NRIP2: variants seen among roughly 807,000 people sequenced by gnomAD.
NRIP2 encodes nuclear receptor interacting protein 2.
NRIP2 carries 27 observed loss-of-function variants against 34.1 expected under a neutral mutation model. The observed-to-expected ratio is 0.79, with a 90% confidence interval of 0.58 to 1.09. The LOEUF is 1.09. NRIP2 is among the 50% of genes least tolerant of loss of function. The pLI, the probability that NRIP2 is intolerant of heterozygous loss-of-function variation, is 0.00. For synonymous variants in NRIP2, 145 were observed against 146.9 expected, an observed-to-expected ratio of 0.99 and a Z score of 0.09; for missense variants, 385 against 352.6, an observed-to-expected ratio of 1.09 and a Z score of -0.74.
In NRIP2 at chr12:2,827,363, CT is replaced by C; in HGVS notation, c.754-65del. ...CCGCCACCTGCCTCCCGGCCTGCTC[CT>C]TTTGTTCCCCCTCCCACTTCCCACA... On this transcript the variant is annotated intron_variant, in intron 5 of 5. Transcript: ENST00000337508. The surrounding 1 kb of genome is among the most constrained non-coding windows in gnomAD (Gnocchi z 4.0). 6.4e-7 allele frequency: 1 copy of C among 1,556,240 alleles called. No individual in the cohort carries two copies.
Position 2,834,800 on chromosome 12 carries a change from C to T in NRIP2, c.184G>A (p.Gly62Arg). 1.2e-6 allele frequency: 2 copies of T among 1,613,668 alleles called. No individual in the cohort carries two copies. The highest frequency in any genetic ancestry group is 1.7e-6 in the Non-Finnish European group (2 of 1,179,940). Residue 62 changes from glycine to arginine, a missense_variant, in exon 1 of 6, where the codon GGA (glycine) becomes AGA (arginine). Physicochemically the swap from Gly to Arg is moderately radical, Grantham distance 125 (BLOSUM62 -2). Coordinates refer to ENST00000337508, the MANE Select transcript of NRIP2 (RefSeq NM_031474.3). ...STKQEARRDE[G>R]EARTRGQEAQ... ...TCCTGCCCCCTCGTCCTGGCTTCTC[C>T]CTCATCTCTCCTGGCCTCCTGCTTG...
chr12:2,828,006 G>T lies in NRIP2; in HGVS notation c.620C>A (p.Ala207Asp), dbSNP rs562556400. 3.7e-6 allele frequency: 6 copies of T among 1,614,194 alleles called. No individual in the cohort carries two copies. The African/African-American group carries it at 8.0e-5, about 22-fold the overall frequency. The change falls in exon 4 of 6, where the codon GCC becomes GAC. Residue 207 changes from alanine (A) to aspartate (D), a missense_variant. Physicochemically the swap from Ala to Asp is moderately radical, Grantham distance 126. Coordinates refer to ENST00000337508, the MANE Select transcript of NRIP2 (RefSeq NM_031474.3). ...CTCCACCTGGGTTGGGGGCCCAGGG[G>T]CCAGGTCCCCAGCTGAGGCTTTTAG... ...RVLKASAGDL[A>D]PGPPTQVEQL...
intron 1 of NRIP2, 29 bp from the exon 2 acceptor site, chr12:2,830,889 G>T: frequency 6.2e-7 from 1 of 1,605,680 alleles, no homozygotes. Context: ...AATGAAGGTA[G>T]GCAGTTCTAA....
chr12:2,826,900 G>A lies in NRIP2; in HGVS notation c.*307C>T, dbSNP rs2097969814. The A allele has an allele frequency of 3.0e-6, 3 of 989,480 alleles. No homozygotes were observed. Among genetic ancestry groups the A allele is most frequent in the African/African-American group, 3.5e-5 (2 of 57,774 alleles). The allele number at this position is 989,480 out of a possible 1,614,324, so 61.3% of individuals were successfully genotyped here. On this transcript the variant is annotated 3_prime_UTR_variant, in exon 6 of 6. Coordinates refer to ENST00000337508, the MANE Select transcript of NRIP2 (RefSeq NM_031474.3). ...AGAGCCTTCGACCCAGCCCAAGCAGGCACCCCATTGTGCTTAGGTTCCTAT... is the reference window on the plus strand; with the variant it reads ...AGAGCCTTCGACCCAGCCCAAGCAGACACCCCATTGTGCTTAGGTTCCTAT...
chr12:2,828,107 A>C, intron 3 of NRIP2, 60 bp from the exon 4 acceptor site: 1 of 1,466,036 alleles, frequency 6.8e-7, no homozygotes, highest in Non-Finnish European at 9.4e-7. Flanking sequence ...CACCCCATTA[A>C]TCAGCAGGTG....
chr12:2,834,734 G>T lies in NRIP2; in HGVS notation c.250C>A (p.Arg84=), dbSNP rs756137995. 6.2e-7 allele frequency: 1 copy of T among 1,614,004 alleles called. No individual in the cohort carries two copies. Among genetic ancestry groups the T allele is most frequent in the Non-Finnish European group, 8.5e-7 (1 of 1,180,006 alleles). ...RDRAHLSQQR[R]LKQATQFLHK... ...AGGAACTGGGTGGCCTGTTTGAGCC[G>T]GCGCTGCTGGCTCAGGTGGGCTCGG... The change falls in exon 1 of 6, where the codon CGG becomes AGG. Residue 84 remains arginine (R), a synonymous_variant. Transcript: ENST00000337508.
In NRIP2 at chr12:2,826,809, T is replaced by TCTC; in HGVS notation, c.*397_*398insGAG. On this transcript the variant is annotated 3_prime_UTR_variant, in exon 6 of 6. Transcript: ENST00000337508. Reference sequence around the variant, plus strand: ...GGCCCAGAAGGTGTGGTGAGAGACATGGTGGTGTGGGAAGTTGAGTTGTGT... The same window carrying TCTC: ...GGCCCAGAAGGTGTGGTGAGAGACATCTCGGTGGTGTGGGAAGTTGAGTTGTGT... The TCTC allele has an allele frequency of 4.3e-5, 11 of 253,258 alleles. No individual in the cohort carries two copies. The highest frequency in any genetic ancestry group is 1.4e-4 in the South Asian group (3 of 21,732). 15.7% of individuals were successfully genotyped at this position (253,258 alleles called of 1,614,324 possible). A position where few individuals can be genotyped will look rare whatever the true frequency, so the allele number is the denominator to read the frequency against.
chr12:2,833,873 CGTAAA>C (rs2098015253), intron 1 of NRIP2, among the ~76,000 whole-genome samples: 6 of 152,190 alleles, frequency 3.9e-5, no homozygotes, highest in Non-Finnish European at 8.8e-5. Flanking sequence ...GGCACAGAGA[CGTAAA>C]GTCAATTGCA....
At chr12:2,831,394 G>A (rs2098002023) in intron 1 of NRIP2, among the ~76,000 whole-genome samples, 1 of 151,898 alleles carries the variant, frequency 6.6e-6, no homozygotes, top group Non-Finnish European at 1.5e-5. Context: ...GACCAGCCTG[G>A]CCAACATGGT....
At chr12:2,833,874 G>A (rs73242879) in intron 1 of NRIP2, among the ~76,000 whole-genome samples, 4,608 of 152,272 alleles carry the variant, frequency 0.03, 210 homozygotes, top group African/African-American at 0.1. Context: ...GCACAGAGAC[G>A]TAAAGTCAAT....
At position 2,834,882 on chromosome 12, in the gene NRIP2, C is replaced by T. The variant is rs756433188; in HGVS notation, c.102G>A (p.Ser34=). ...QRQAGRSRED[S]VTPPPSSPWP... ...AGGGGCTGCTCGGTGGGGGCGTCAC[C>T]GAGTCCTCTCTGCTTCTTCCTGCCT... is the stretch of plus-strand genomic sequence containing the variant. The change falls in exon 1 of 6, where the codon TCG becomes TCA. Residue 34 remains serine, a synonymous_variant. Coordinates refer to ENST00000337508, the MANE Select transcript of NRIP2 (RefSeq NM_031474.3). 2.5e-5 allele frequency: 40 copies of T among 1,613,718 alleles called. No homozygotes were observed. Among genetic ancestry groups the T allele is most frequent in the South Asian group, 1.6e-4 (15 of 91,066 alleles).
At position 2,827,327 on chromosome 12, in the gene NRIP2, G is replaced by T. The variant is rs1265100376; in HGVS notation, c.754-28C>A. 6 of 1,600,576 alleles carry T rather than the reference G, an allele frequency of 3.7e-6. No homozygotes were observed. The highest frequency in any genetic ancestry group is 1.8e-5 in the Admixed American group (1 of 56,852). ...GCGGGGTGTAGAGCAGTCATGCCAG[G>T]TCACCTCAGCCCGCCACCTGCCTCC... On this transcript the variant is annotated intron_variant, in intron 5 of 5. Coordinates refer to ENST00000337508, the MANE Select transcript of NRIP2 (RefSeq NM_031474.3). The surrounding 1 kb of genome is among the most constrained non-coding windows in gnomAD (Gnocchi z 4.0).
chr12:2,832,508 T>C (rs1031011453), intron 1 of NRIP2, among the ~76,000 whole-genome samples: 5 of 151,920 alleles, frequency 3.3e-5, no homozygotes, highest in Non-Finnish European at 7.4e-5. Context: ...GAGAGAGAGG[T>C]TGTATCTTAA....
At chr12:2,829,774 TAAAC>T (rs961680170) in intron 2 of NRIP2, among the ~76,000 whole-genome samples, 19 of 138,208 alleles carry the variant, frequency 1.4e-4, no homozygotes, top group African/African-American at 1.7e-4. Flanking sequence ...CTCTAAAAAA[TAAAC>T]AAAAGGACCG....
intron 3 of NRIP2, 23 bp from the exon 4 acceptor site, chr12:2,828,070 A>G (rs765136660): frequency 1.3e-6 from 2 of 1,594,394 alleles, no homozygotes; most frequent in Admixed American, 1.7e-5. Context: ...AGCAAGGGTT[A>G]TGGCTACCAC....
At chr12:2,829,692 A>T (rs1037617475) in intron 2 of NRIP2, among the ~76,000 whole-genome samples, 1 of 152,156 alleles carries the variant, frequency 6.6e-6, no homozygotes, top group Admixed American at 6.6e-5. Flanking sequence ...GCTTGAGTCC[A>T]GGAGGTTGAG....
chr12:2,827,868 C>T lies in NRIP2; in HGVS notation c.700+58G>A. 1.2e-6 allele frequency: 2 copies of T among 1,611,774 alleles called. No individual in the cohort carries two copies. Among genetic ancestry groups the T allele is most frequent in the Non-Finnish European group, 1.7e-6 (2 of 1,179,628 alleles). On this transcript the variant is annotated intron_variant, in intron 4 of 5. Coordinates refer to ENST00000337508, the MANE Select transcript of NRIP2 (RefSeq NM_031474.3). The surrounding 1 kb of genome is among the most constrained non-coding windows in gnomAD (Gnocchi z 4.0). Reference sequence around the variant, plus strand: ...GGGAGTGAAAGTCTCAGCCTTTGCCCCACCCCAAAGAGAAAGGTGAGGTGA... The same window carrying T: ...GGGAGTGAAAGTCTCAGCCTTTGCCTCACCCCAAAGAGAAAGGTGAGGTGA...
chr12:2,830,952 C>G lies in NRIP2; in HGVS notation c.343-92G>C, dbSNP rs545604148. ...CCCACTTAGATACCCCAGGATGCTC[C>G]CCCCACCCCCCCAGCCCTGAGCCTT... On this transcript the variant is annotated intron_variant, in intron 1 of 5. Transcript: ENST00000337508. The G allele has an allele frequency of 1.2e-4, 169 of 1,359,772 alleles. 1 individual carries two copies. In the African/African-American group the frequency reaches 2.3e-3, roughly 18 times the overall value. 84.2% of individuals were successfully genotyped at this position (1,359,772 alleles called of 1,614,324 possible).
rs1235359486 is a variant in NRIP2, at chr12:2,828,004, G to A, written c.622C>T (p.Pro208Ser). 6.2e-7 allele frequency: 1 copy of A among 1,614,198 alleles called. No individual in the cohort carries two copies. The highest frequency in any genetic ancestry group is 8.5e-7 in the Non-Finnish European group (1 of 1,180,030). The change falls in exon 4 of 6, where the codon CCT becomes TCT. Residue 208 changes from proline (P) to serine (S), a missense_variant. Pro to Ser is a moderately conservative substitution (Grantham distance 74). Coordinates refer to ENST00000337508, the MANE Select transcript of NRIP2 (RefSeq NM_031474.3). The part of the protein sequence containing the change: ...VLKASAGDLA[P>S]GPPTQVEQLE... ...TGCTCCACCTGGGTTGGGGGCCCAG[G>A]GGCCAGGTCCCCAGCTGAGGCTTTT...
Sources: allele counts gnomAD v4.1 joint callset (sites outside exome capture counted in the v4.1 genomes callset), GRCh38; gene constraint gnomAD v4.1.1; non-coding constraint Gnocchi (gnomAD v3.1); transcripts MANE v1.5; gene names NCBI Gene and HGNC (gene_info 2026-07-23, HGNC 2026-07-21).